LRRC37A: variants seen among roughly 807,000 people sequenced by gnomAD.
LRRC37A encodes the protein leucine-rich repeat-containing protein 37A.
LRRC37A carries 3 observed loss-of-function variants against 35.4 expected under a neutral mutation model. The ratio of observed to expected loss-of-function variants is 0.08; its 90% CI spans 0.04 to 0.22. The LOEUF (loss-of-function observed/expected upper bound fraction) is 0.22. Ranked by LOEUF, LRRC37A falls within the 10% of genes least tolerant of loss-of-function variation. The probability of loss-of-function intolerance (pLI) is 1.00; values close to 1 mark genes in which losing one functional copy is unlikely to be tolerated. For synonymous variants in LRRC37A, 23 were observed against 215.0 expected, an observed-to-expected ratio of 0.11 and a Z score of 7.81; for missense variants, 67 against 565.3, an observed-to-expected ratio of 0.12 and a Z score of 8.94.
the LRRC37A span, among the ~76,000 whole-genome samples, chr17:46,254,366 C>T: frequency 7.2e-6 from 1 of 139,404 alleles, no homozygotes; most frequent in Non-Finnish European, 1.6e-5. Context: ...TGGTTTTATT[C>T]AACTGGAAGC....
intron 10 of LRRC37A, 164 bp downstream of exon 10, chr17:46,332,820 G>T: frequency 2.7e-6 from 1 of 372,356 alleles, no homozygotes; most frequent in Non-Finnish European, 5.3e-6. Context: ...TTATTGCAGT[G>T]TATATTTCAG....
the LRRC37A span, among the ~76,000 whole-genome samples, chr17:46,250,822 A>G: frequency 2.6e-5 from 4 of 152,306 alleles, no homozygotes; most frequent in East Asian, 7.7e-4. Flanking sequence ...TGAGCCCCAG[A>G]GTCTTCTTCT....
chr17:46,290,738 C>T (rs1182195090), upstream of LRRC37A, among the ~76,000 whole-genome samples: 2 of 152,238 alleles, frequency 1.3e-5, no homozygotes, highest in South Asian at 2.1e-4. Flanking sequence ...TGAGCCATTG[C>T]GCCCAGCCTC....
the LRRC37A span, among the ~76,000 whole-genome samples, chr17:46,262,367 C>T: frequency 6.6e-6 from 1 of 151,498 alleles, no homozygotes; most frequent in Non-Finnish European, 1.5e-5. Context: ...CCCTCTTCTT[C>T]TTCTTCTTCT....
At chr17:46,274,431 T>C in the LRRC37A span, among the ~76,000 whole-genome samples, 1 of 152,244 alleles carries the variant, frequency 6.6e-6, no homozygotes, top group Non-Finnish European at 1.5e-5. Context: ...TAATCTACCA[T>C]GAACAATAAA....
the LRRC37A span, among the ~76,000 whole-genome samples, chr17:46,258,167 A>C: frequency 2.1e-4 from 32 of 152,304 alleles, no homozygotes; most frequent in African/African-American, 7.5e-4. Context: ...GAGAGAACAC[A>C]CACAGCCCAG....
chr17:46,287,309 A>C, the LRRC37A span, among the ~76,000 whole-genome samples: 1 of 152,256 alleles, frequency 6.6e-6, no homozygotes, highest in Non-Finnish European at 1.5e-5. Flanking sequence ...ACAAAAACCA[A>C]AGCCAAAGAA....
At chr17:46,257,652 T>TAA in the LRRC37A span, among the ~76,000 whole-genome samples, 92 of 135,862 alleles carry the variant, frequency 6.8e-4, no homozygotes, top group African/African-American at 2.0e-3. Context: ...TGTTTCTACT[T>TAA]AAAAAAAAAA....
chr17:46,259,357 C>T, the LRRC37A span, among the ~76,000 whole-genome samples: 1 of 152,210 alleles, frequency 6.6e-6, no homozygotes, highest in African/African-American at 2.4e-5. Flanking sequence ...AGGCCCCTCA[C>T]CACAACTTAA....
chr17:46,291,985 A>AAACAAAAAAAC (rs1360524355), upstream of LRRC37A, among the ~76,000 whole-genome samples: 1 of 76,590 alleles, frequency 1.3e-5, no homozygotes, highest in Non-Finnish European at 2.8e-5. Context: ...AAAAAAAAAA[A>AAACAAAAAAAC]AAGCCAATAA....
chr17:46,267,164 CG>C, the LRRC37A span: 2 of 560,974 alleles, frequency 3.6e-6, no homozygotes, highest in Non-Finnish European at 6.1e-6. Flanking sequence ...TGAGCCCGGC[CG>C]CCGCGCCGCC....
chr17:46,276,790 C>CTTTTTTTTTTTTTTTTTTTTTTTT, the LRRC37A span, among the ~76,000 whole-genome samples: 3 of 134,320 alleles, frequency 2.2e-5, no homozygotes, highest in African/African-American at 2.8e-5. Context: ...TTCTTTTTTT[C>CTTTTTTTTTTTTTTTTTTTTTTTT]TTTTTTTTTT....
chr17:46,248,665 A>C, the LRRC37A span, among the ~76,000 whole-genome samples: 1 of 151,942 alleles, frequency 6.6e-6, no homozygotes, highest in Non-Finnish European at 1.5e-5. Context: ...GATTACAGGC[A>C]CATGCCACCA....
At chr17:46,259,140 G>A in the LRRC37A span, among the ~76,000 whole-genome samples, 2 of 149,692 alleles carry the variant, frequency 1.3e-5, no homozygotes, top group Non-Finnish European at 2.9e-5. Flanking sequence ...ATGTGGTGGA[G>A]GCAAAGGGCA....
At chr17:46,270,958 T>C in the LRRC37A span, among the ~76,000 whole-genome samples, 2 of 152,218 alleles carry the variant, frequency 1.3e-5, no homozygotes, top group South Asian at 4.1e-4. Flanking sequence ...TTGGTTCAAA[T>C]TGGATCAAGT....
At chr17:46,266,696 A>G in the LRRC37A span, among the ~76,000 whole-genome samples, 1 of 152,148 alleles carries the variant, frequency 6.6e-6, no homozygotes, top group African/African-American at 2.4e-5. Flanking sequence ...GTGGAGAGAA[A>G]AAGTAAGATC....
chr17:46,261,941 A>G, the LRRC37A span, among the ~76,000 whole-genome samples: 8 of 152,168 alleles, frequency 5.3e-5, no homozygotes, highest in South Asian at 1.7e-3. Context: ...AGAATCCTAA[A>G]GACAATTATT....
chr17:46,278,565 G>T, the LRRC37A span, among the ~76,000 whole-genome samples: 1 of 150,848 alleles, frequency 6.6e-6, no homozygotes, highest in South Asian at 2.1e-4. Flanking sequence ...CACTGCGACC[G>T]GCTAATTTTT....
the LRRC37A span, among the ~76,000 whole-genome samples, chr17:46,281,891 G>T: frequency 4.7e-4 from 72 of 152,138 alleles, 1 homozygote; most frequent in Non-Finnish European, 1.3e-4. Context: ...TGATCCACCC[G>T]CCTCGGCCTC....
Sources: allele counts gnomAD v4.1 joint callset (sites outside exome capture counted in the v4.1 genomes callset), GRCh38; gene constraint gnomAD v4.1.1; transcripts MANE v1.5; gene names NCBI Gene and HGNC (gene_info 2026-07-23, HGNC 2026-07-21).